SMOC2: variants seen among roughly 807,000 people sequenced by gnomAD.
SMOC2 encodes the protein SPARC related modular calcium binding 2.
SMOC2 carries 39 observed loss-of-function variants against 61.4 expected under a neutral mutation model. The observed-to-expected ratio is 0.64, with a 90% CI of 0.49 to 0.83. SMOC2 has a LOEUF of 0.83. Among genes scored for constraint, SMOC2 ranks in the 40% least tolerant of loss-of-function variants. SMOC2 has a pLI of 0.00. For synonymous variants in SMOC2, 247 were observed against 239.9 expected (o/e 1.03, Z -0.27); for missense variants, 556 against 592.9 (o/e 0.94, Z 0.65).
intron 9 of SMOC2, among the ~76,000 whole-genome samples, chr6:168,618,793 A>T (rs1786169633): frequency 6.6e-6 from 1 of 152,124 alleles, no homozygotes; most frequent in Non-Finnish European, 1.5e-5. Context: ...CGTCTCCTGC[A>T]GGGACTATGG....
At chr6:168,613,582 A>G (rs76989257) in intron 9 of SMOC2, among the ~76,000 whole-genome samples, 36,758 of 148,742 alleles carry the variant, frequency 0.25, 4,699 homozygotes, top group Non-Finnish European at 0.26. Context: ...GCCTCTCCCT[A>G]AAGGGCATGG....
intron 1 of SMOC2, among the ~76,000 whole-genome samples, chr6:168,488,713 A>G (rs564881214): frequency 3.3e-5 from 5 of 152,038 alleles, no homozygotes; most frequent in African/African-American, 1.2e-4. Flanking sequence ...ACAGTTTTAG[A>G]AGGAAATATA....
chr6:168,607,340 G>A (rs948701878), intron 8 of SMOC2, among the ~76,000 whole-genome samples: 2 of 152,188 alleles, frequency 1.3e-5, no homozygotes, highest in Admixed American at 1.3e-4. Flanking sequence ...AGCAGGCCTT[G>A]GTCAAGGGCT....
chr6:168,545,068 G>A (rs935093337), intron 5 of SMOC2, among the ~76,000 whole-genome samples: 1 of 152,174 alleles, frequency 6.6e-6, no homozygotes, highest in Non-Finnish European at 1.5e-5. Context: ...TAGAGCAATA[G>A]TGTGAGCTGC....
intron 4 of SMOC2, among the ~76,000 whole-genome samples, chr6:168,536,620 T>G (rs1406261306): frequency 6.6e-6 from 1 of 152,114 alleles, no homozygotes; most frequent in Non-Finnish European, 1.5e-5. Context: ...GTGATATTCC[T>G]CCTGTGCAAA....
chr6:168,477,925 G>T (rs1469649607), intron 1 of SMOC2, among the ~76,000 whole-genome samples: 4 of 152,154 alleles, frequency 2.6e-5, no homozygotes, highest in Non-Finnish European at 1.5e-5. Context: ...GTGAAGGTGG[G>T]ATTACTGTCC....
chr6:168,448,327 ACTGGGGAGGAGGATGGCG>A (rs1302451335), intron 1 of SMOC2, among the ~76,000 whole-genome samples: 8 of 151,246 alleles, frequency 5.3e-5, no homozygotes, highest in African/African-American at 7.3e-5. Flanking sequence ...GGAGGATGGC[ACTGGGGAGGAGGATGGCG>A]CTGGGGAGGA....
intron 2 of SMOC2, among the ~76,000 whole-genome samples, chr6:168,521,914 A>G (rs1227878207): frequency 6.6e-6 from 1 of 151,950 alleles, no homozygotes; most frequent in African/African-American, 2.4e-5. Context: ...TTGCTAAGCA[A>G]TGATGAGTTC....
Position 168,475,248 on chromosome 6 carries a change from G to T in SMOC2, c.84+33794G>T, listed in dbSNP as rs1203411337. On this transcript the variant is annotated intron_variant, in intron 1 of 12. Transcript: ENST00000356284. This position sits in a 1 kb window ranked among gnomAD's most constrained non-coding sequence, Gnocchi z 4.6. Reference sequence around the variant, plus strand: ...TTGGAGAAGCTAAACTTTGAAGTGTGTGGAAGGCAGCTTGGATAGTCCTGG... The same window carrying T: ...TTGGAGAAGCTAAACTTTGAAGTGTTTGGAAGGCAGCTTGGATAGTCCTGG... Among the ~76,000 whole-genome samples, 2 of 152,108 alleles carry T rather than the reference G, an allele frequency of 1.3e-5. No individual in the cohort carries two copies. Among genetic ancestry groups the T allele is most frequent in the Non-Finnish European group, 2.9e-5 (2 of 68,010 alleles).
chr6:168,565,276 G>A (rs983894113), intron 7 of SMOC2, among the ~76,000 whole-genome samples: 4 of 152,222 alleles, frequency 2.6e-5, no homozygotes, highest in Non-Finnish European at 5.9e-5. Flanking sequence ...TGAGCAGCAG[G>A]AATGCCTCCT....
chr6:168,496,944 G>A (rs1169828549), intron 1 of SMOC2, among the ~76,000 whole-genome samples: 1 of 152,252 alleles, frequency 6.6e-6, no homozygotes, highest in African/African-American at 2.4e-5. Flanking sequence ...GAGCCTGACC[G>A]GAGCCCCCAC....
Position 168,452,482 on chromosome 6 carries a change from C to T in SMOC2, c.84+11028C>T, listed in dbSNP as rs573550856. Among the ~76,000 whole-genome samples the T allele has an allele frequency of 6.6e-6, 1 of 152,248 alleles. No individual in the cohort carries two copies. Among genetic ancestry groups the T allele is most frequent in the South Asian group, 2.1e-4 (1 of 4,830 alleles). Reference sequence around the variant, plus strand: ...TGAGTCGGGTTTTATTCAAAGCAATCGCTTAACTTATTTTATTTGCTAAAT... The same window carrying T: ...TGAGTCGGGTTTTATTCAAAGCAATTGCTTAACTTATTTTATTTGCTAAAT... On this transcript the variant is annotated intron_variant, in intron 1 of 12. Transcript: ENST00000356284. The surrounding 1 kb of genome is among the most constrained non-coding windows in gnomAD (Gnocchi z 5.0).
At chr6:168,606,083 C>A (rs1011463399) in intron 8 of SMOC2, among the ~76,000 whole-genome samples, 2 of 152,144 alleles carry the variant, frequency 1.3e-5, no homozygotes, top group African/African-American at 2.4e-5. Flanking sequence ...AAATTTAACA[C>A]GCATAAGTAA....
chr6:168,635,454 T>G (rs1212079864), intron 9 of SMOC2, among the ~76,000 whole-genome samples: 1 of 151,894 alleles, frequency 6.6e-6, no homozygotes, highest in Non-Finnish European at 1.5e-5. Context: ...CCTGCCAGCA[T>G]TTTTATTTCA....
chr6:168,583,673 C>A (rs1043009803), intron 7 of SMOC2, among the ~76,000 whole-genome samples: 15 of 152,222 alleles, frequency 9.9e-5, no homozygotes, highest in Non-Finnish European at 4.4e-5. Flanking sequence ...GCCTCCCCCG[C>A]CTCTTGCTCC....
chr6:168,655,432 G>A (rs529783257), intron 11 of SMOC2: 1 of 456,412 alleles, frequency 2.2e-6, no homozygotes, highest in Non-Finnish European at 4.4e-6. Context: ...GAGCCCAGAT[G>A]TTCTTAGGAG....
At chr6:168,464,570 T>G (rs1010663444) in intron 1 of SMOC2, among the ~76,000 whole-genome samples, 8 of 151,920 alleles carry the variant, frequency 5.3e-5, no homozygotes, top group African/African-American at 1.9e-4. Context: ...TTTTCATTTT[T>G]TTTTTTTAAC....
At chr6:168,621,200 T>C (rs1438555561) in intron 9 of SMOC2, among the ~76,000 whole-genome samples, 4 of 152,224 alleles carry the variant, frequency 2.6e-5, no homozygotes, top group African/African-American at 7.2e-5. Context: ...CTGAGATAAA[T>C]TGTTCAAGTG....
chr6:168,450,129 C>T (rs1474885873), intron 1 of SMOC2, among the ~76,000 whole-genome samples: 1 of 152,198 alleles, frequency 6.6e-6, no homozygotes, highest in African/African-American at 2.4e-5. Context: ...ACTGGTGAAT[C>T]AATCTGGATA....
Sources: gnomAD v4.1 joint callset for allele counts (sites outside exome capture counted in the v4.1 genomes callset) on GRCh38, gnomAD v4.1.1 for gene constraint, Gnocchi (gnomAD v3.1) non-coding constraint, MANE v1.5 for transcripts, NCBI Gene and HGNC (gene_info 2026-07-23, HGNC 2026-07-21) for gene names.